The following MGAT4C variants were observed in gnomAD, a reference collection of about 807,000 sequenced individuals.
The protein encoded by MGAT4C is MGAT4 family member C, also known as alpha-1,3-mannosyl-glycoprotein 4-beta-N-acetylglucosaminyltransferase C.
A neutral mutation model predicts 40.1 loss-of-function variants in MGAT4C; 19 were observed. That is an observed-to-expected ratio of 0.47 (90% CI 0.33 to 0.70). The LOEUF (loss-of-function observed/expected upper bound fraction) is 0.70, where lower values mean the gene tolerates loss of function less well. Ranked by LOEUF, MGAT4C falls within the 30% of genes least tolerant of loss-of-function variation. MGAT4C has a pLI of 0.02. For missense variants in MGAT4C, 491 were observed against 563.2 expected (o/e 0.87, Z 1.30); for synonymous variants, 181 against 187.1 (o/e 0.97, Z 0.27).
At chr12:86,355,216 C>T (rs1955282338) in intron 3 of MGAT4C, among the ~76,000 whole-genome samples, 1 of 152,204 alleles carries the variant, frequency 6.6e-6, no homozygotes, top group South Asian at 2.1e-4. Context: ...CTACAGACCA[C>T]TGATTGGTGC....
At chr12:86,380,143 C>T (rs531228387) in intron 3 of MGAT4C, among the ~76,000 whole-genome samples, 8 of 152,078 alleles carry the variant, frequency 5.3e-5, no homozygotes, top group South Asian at 2.1e-4. Flanking sequence ...ACACTGAATA[C>T]GTTTAAATTG....
intron 2 of MGAT4C, among the ~76,000 whole-genome samples, chr12:86,679,841 TTTA>T (rs540934435): frequency 9.7e-4 from 147 of 152,180 alleles, no homozygotes; most frequent in South Asian, 6.0e-3. Context: ...AAGCTACCAG[TTTA>T]GAGTATTTTG....
chr12:86,554,739 T>C (rs1959527501), intron 2 of MGAT4C, among the ~76,000 whole-genome samples: 1 of 152,228 alleles, frequency 6.6e-6, no homozygotes, highest in African/African-American at 2.4e-5. Context: ...ACCATTTCTA[T>C]ATTAGCTTTC....
chr12:86,575,771 G>A (rs942936911), intron 2 of MGAT4C, among the ~76,000 whole-genome samples: 1 of 151,760 alleles, frequency 6.6e-6, no homozygotes, highest in Non-Finnish European at 1.5e-5. Context: ...TTAGTTAATT[G>A]AGGAACCTCT....
chr12:86,154,251 T>C (rs1325912352), intron 1 of MGAT4C, among the ~76,000 whole-genome samples: 2 of 152,160 alleles, frequency 1.3e-5, no homozygotes, highest in Non-Finnish European at 2.9e-5. Flanking sequence ...TGAAATAGGC[T>C]GGGAATTCAA....
intron 2 of MGAT4C, among the ~76,000 whole-genome samples, chr12:86,644,810 A>G (rs973788901): frequency 6.6e-6 from 1 of 151,776 alleles, no homozygotes; most frequent in African/African-American, 2.4e-5. Context: ...TTAAAAATAC[A>G]TGCAAACCTA....
intron 2 of MGAT4C, among the ~76,000 whole-genome samples, chr12:86,481,700 A>G (rs1461168203): frequency 2.0e-5 from 3 of 152,008 alleles, no homozygotes; most frequent in Non-Finnish European, 2.9e-5. Context: ...GAAAGAAAAT[A>G]AATCATATTG....
At chr12:86,340,597 A>G (rs1049992527) in intron 3 of MGAT4C, among the ~76,000 whole-genome samples, 22 of 152,274 alleles carry the variant, frequency 1.4e-4, no homozygotes, top group African/African-American at 4.6e-4. Context: ...CACTTTTCAG[A>G]TAAAAGCTTT....
At position 85,973,911 on chromosome 12, in the gene MGAT4C, A is replaced by G. The variant is rs1883765635; in HGVS notation, c.*5378T>C. 3 of 150,968 alleles carry G rather than the reference A, an allele frequency of 2.0e-5. No individual in the cohort carries two copies. In the South Asian group the frequency reaches 6.2e-4, roughly 31 times the overall value. The allele number at this position is 150,968 out of a possible 1,614,324, so 9.4% of individuals were successfully genotyped here. A position where few individuals can be genotyped will look rare whatever the true frequency, so the allele number is the denominator to read the frequency against. Reference sequence around the variant, plus strand: ...TCAATTTCAATGTTAAAAATAGGATATTAAACATCTCAGAAAATATTGGGA... The same window carrying G: ...TCAATTTCAATGTTAAAAATAGGATGTTAAACATCTCAGAAAATATTGGGA... On this transcript the variant is annotated 3_prime_UTR_variant, in exon 5 of 5. Coordinates refer to ENST00000611864, the MANE Select transcript of MGAT4C (RefSeq NM_001351288.2).
At chr12:86,640,771 T>G (rs1963356465) in intron 2 of MGAT4C, among the ~76,000 whole-genome samples, 1 of 152,004 alleles carries the variant, frequency 6.6e-6, no homozygotes, top group Non-Finnish European at 1.5e-5. Flanking sequence ...CACACTGCTT[T>G]GAATGTGTCC....
At chr12:86,013,759 C>T in intron 2 of MGAT4C, 5 of 971,194 alleles carry the variant, frequency 5.1e-6, no homozygotes, top group Non-Finnish European at 6.1e-6. Flanking sequence ...TCCACAGAAT[C>T]TTAGTGAAAA....
At chr12:86,790,481 G>A (rs1158443650) in intron 1 of MGAT4C, among the ~76,000 whole-genome samples, 2 of 151,946 alleles carry the variant, frequency 1.3e-5, no homozygotes, top group Non-Finnish European at 2.9e-5. Context: ...TTTCTTAAAA[G>A]CATACCGAAA....
In MGAT4C at chr12:86,759,417, G is replaced by C. The variant is rs376158633; in HGVS notation, c.-261-32176C>G. Among the ~76,000 whole-genome samples, 17 of 152,090 alleles carry C rather than the reference G, an allele frequency of 1.1e-4. No homozygotes were observed. The East Asian group carries it at 1.7e-3, about 16-fold the overall frequency. Reference sequence around the variant, plus strand: ...ATATATATCAAATTGTATGATTGCTGGATCACACTGTAGTTCTACTTTTAA... The same window carrying C: ...ATATATATCAAATTGTATGATTGCTCGATCACACTGTAGTTCTACTTTTAA... On this transcript the variant is annotated intron_variant, in intron 1 of 7. Coordinates refer to the MGAT4C transcript ENST00000548651.
chr12:86,664,579 C>T (rs1259175916), intron 2 of MGAT4C, among the ~76,000 whole-genome samples: 2 of 151,886 alleles, frequency 1.3e-5, no homozygotes, highest in Admixed American at 1.3e-4. Flanking sequence ...GTTAAGAATG[C>T]TATATTGATT....
chr12:86,310,894 A>G (rs888861400), intron 4 of MGAT4C, among the ~76,000 whole-genome samples: 6 of 152,252 alleles, frequency 3.9e-5, no homozygotes, highest in African/African-American at 1.2e-4. Flanking sequence ...ACCGCACTCC[A>G]GCCTGTGCGA....
chr12:86,496,920 T>C (rs1958246156), intron 2 of MGAT4C, among the ~76,000 whole-genome samples: 1 of 152,020 alleles, frequency 6.6e-6, no homozygotes, highest in African/African-American at 2.4e-5. Context: ...TATTGAACCC[T>C]AATAGATATG....
At chr12:86,464,815 T>C (rs1303659509) in intron 2 of MGAT4C, among the ~76,000 whole-genome samples, 4 of 152,114 alleles carry the variant, frequency 2.6e-5, no homozygotes, top group Non-Finnish European at 5.9e-5. Flanking sequence ...ATGTATTGAA[T>C]ACTAATATCA....
intron 4 of MGAT4C, among the ~76,000 whole-genome samples, chr12:86,268,728 C>CATATAT (rs1281436043): frequency 7.8e-6 from 1 of 127,668 alleles, no homozygotes; most frequent in Non-Finnish European, 1.8e-5. Flanking sequence ...TACACACACA[C>CATATAT]ATACATACAC....
At position 85,966,331 on chromosome 12, in the gene MGAT4C, CTATT is replaced by C. The variant is rs1324795852; in HGVS notation, c.*12954_*12957del. On this transcript the variant is annotated 3_prime_UTR_variant, in exon 5 of 5. Transcript: ENST00000611864. The stretch of plus-strand genomic sequence containing the variant: ...TAACCTGGCATATAACACTGTCACT[CTATT>C]TAATTATTACCCATCATCTACCTAC... 8.5e-5 allele frequency: 13 copies of C among 152,078 alleles called. No homozygotes were observed. Among genetic ancestry groups the C allele is most frequent in the South Asian group, 6.2e-4 (3 of 4,808 alleles). 9.4% of individuals were successfully genotyped at this position (152,078 alleles called of 1,614,324 possible).
Sources: gnomAD v4.1 joint callset for allele counts (sites outside exome capture counted in the v4.1 genomes callset) on GRCh38, gnomAD v4.1.1 for gene constraint, MANE v1.5 for transcripts, NCBI Gene and HGNC (gene_info 2026-07-23, HGNC 2026-07-21) for gene names.